Variants in WDR1 observed in about 807,000 individuals in gnomAD.
The protein encoded by WDR1 is WD repeat domain 1, also known as WD repeat-containing protein 1.
WDR1 carries 21 observed loss-of-function variants against 71.9 expected under a neutral mutation model. That is an observed-to-expected ratio of 0.29 (90% CI 0.21 to 0.42). The LOEUF is 0.42. Among genes scored for constraint, WDR1 ranks in the 10% least tolerant of loss-of-function variants. WDR1 has a pLI of 1.00. For synonymous variants in WDR1, 424 were observed against 347.4 expected (o/e 1.22, Z -2.45); for missense variants, 696 against 824.5 (o/e 0.84, Z 1.91).
chr4:10,084,366 C>T, intron 9 of WDR1, 77 bp downstream of exon 9: 3 of 1,402,662 alleles, frequency 2.1e-6, no homozygotes, highest in Non-Finnish European at 2.0e-6. Context: ...GCTGGCCTGG[C>T]CTCTGGCATC....
intron 3 of WDR1, among the ~76,000 whole-genome samples, chr4:10,102,222 C>T (rs1336256720): frequency 3.3e-5 from 5 of 152,206 alleles, no homozygotes; most frequent in Non-Finnish European, 4.4e-5. Flanking sequence ...TCCTTCACAC[C>T]CTAAGAGGCA....
chr4:10,083,030 C>T lies in WDR1; in HGVS notation c.1188G>A (p.Arg396=), dbSNP rs1197228777. 3 of 1,612,128 alleles carry T rather than the reference C, an allele frequency of 1.9e-6. No individual in the cohort carries two copies. Among genetic ancestry groups the T allele is most frequent in the Non-Finnish European group, 2.5e-6 (3 of 1,178,814 alleles). ...GACCCGAGTGCTCTCACCTGTAGTC[C>T]CGCAGCATGAGGCTGGTGTACCGCA... ...DTVRYTSLML[R]DYSGQGVVKL... is the part of the protein sequence containing the mutation. Residue 396 remains arginine, a synonymous_variant, in exon 10 of 15, where the codon CGG becomes CGA. Transcript: ENST00000499869.
At chr4:10,098,876 A>T in intron 4 of WDR1, 116 bp downstream of exon 4, 1 of 1,475,736 alleles carries the variant, frequency 6.8e-7, no homozygotes, top group South Asian at 1.3e-5. Flanking sequence ...CTGGGAGCTC[A>T]ACCCTCACGA....
At position 10,107,043 on chromosome 4, in the gene WDR1, A is replaced by ATTCC. The variant is rs1713063873; in HGVS notation, c.139-3058_139-3057insGGAA. ...GGGGTTGAGAAGCTTATTTGGGGAA[A>ATTCC]AACTCTGGAATGGGGAAAACGAGAC... On this transcript the variant is annotated intron_variant, in intron 2 of 14. Transcript: ENST00000499869. 3.3e-5 allele frequency among the ~76,000 whole-genome samples: 5 copies of ATTCC among 152,230 alleles called. No individual in the cohort carries two copies. The East Asian group carries it at 9.7e-4, about 30-fold the overall frequency.
chr4:10,110,635 C>T (rs1055670467), intron 2 of WDR1, among the ~76,000 whole-genome samples: 21 of 152,196 alleles, frequency 1.4e-4, no homozygotes, highest in African/African-American at 3.4e-4. Context: ...CAGCTGTCCC[C>T]GCTCTGTGGC....
chr4:10,087,839 G>C lies in WDR1; in HGVS notation c.819C>G (p.Pro273=). The change falls in exon 8 of 15, where the codon CCC becomes CCG. Residue 273 remains proline, a synonymous_variant. Transcript: ENST00000499869. ...VSVNSVVSTF[P]MGSTVLDQQL... is the part of the protein sequence containing the mutation. The stretch of plus-strand genomic sequence containing the variant: ...GCTGGTCCAGAACCGTGGAGCCCAT[G>C]GGAAATGTGCTGACCACGGAGTTCA... 1 of 1,578,988 alleles carries C rather than the reference G, an allele frequency of 6.3e-7. No individual in the cohort carries two copies. Among genetic ancestry groups the C allele is most frequent in the Non-Finnish European group, 8.6e-7 (1 of 1,161,690 alleles).
intron 8 of WDR1, among the ~76,000 whole-genome samples, chr4:10,085,537 C>T (rs1012467337): frequency 1.3e-5 from 2 of 152,268 alleles, no homozygotes; most frequent in African/African-American, 4.8e-5. Context: ...ACAGCCCCCA[C>T]CAGCAGGGCT....
chr4:10,084,049 A>G (rs559087362), intron 9 of WDR1, among the ~76,000 whole-genome samples: 31 of 152,206 alleles, frequency 2.0e-4, no homozygotes, highest in Non-Finnish European at 4.0e-4. Flanking sequence ...AAGGGTGTCC[A>G]GGTGCTTGTG....
intron 5 of WDR1, chr4:10,093,283 G>A (rs112123486): frequency 4.2e-6 from 2 of 481,290 alleles, no homozygotes; most frequent in African/African-American, 4.0e-5. Flanking sequence ...ATGCCTATGA[G>A]CTGGTAGAAG....
chr4:10,095,151 G>A (rs1474823589), intron 5 of WDR1, among the ~76,000 whole-genome samples: 1 of 152,258 alleles, frequency 6.6e-6, no homozygotes, highest in Non-Finnish European at 1.5e-5. Flanking sequence ...CAGGAGGCGA[G>A]GGGCGGCAGG....
At chr4:10,107,151 G>A (rs1345566867) in intron 2 of WDR1, among the ~76,000 whole-genome samples, 1 of 152,148 alleles carries the variant, frequency 6.6e-6, no homozygotes, top group Non-Finnish European at 1.5e-5. Context: ...GGGGGCCTGG[G>A]GGAGACCACC....
At chr4:10,101,560 T>A (rs1712685604) in intron 3 of WDR1, among the ~76,000 whole-genome samples, 1 of 152,260 alleles carries the variant, frequency 6.6e-6, no homozygotes. Context: ...CCAAACTCCC[T>A]TGGCTCCTCT....
chr4:10,077,824 C>G lies in WDR1; in HGVS notation c.1498G>C (p.Asp500His). The change falls in exon 13 of 15, where the codon GAC becomes CAC. Residue 500 changes from aspartate to histidine, a missense_variant. Physicochemically the swap from Asp to His is moderately conservative, Grantham distance 81. Coordinates refer to ENST00000499869, the MANE Select transcript of WDR1 (RefSeq NM_017491.5). ...TCGCACACCGCGAGGAAGGCGCCGT[C>G]GTGGGAGTAGGCCACGTCGGTCACG... ...GPVTDVAYSH[D>H]GAFLAVCDAS... 1 of 1,608,240 alleles carries G rather than the reference C, an allele frequency of 6.2e-7. No homozygotes were observed. The highest frequency in any genetic ancestry group is 8.5e-7 in the Non-Finnish European group (1 of 1,177,538).
chr4:10,084,707 G>A (rs1765145223), intron 8 of WDR1, among the ~76,000 whole-genome samples, 177 bp from the exon 9 acceptor site: 1 of 152,120 alleles, frequency 6.6e-6, no homozygotes, highest in Non-Finnish European at 1.5e-5. Context: ...CGGCCCACGA[G>A]CCCTAAGAAA....
intron 14 of WDR1, 165 bp downstream of exon 14, chr4:10,077,139 G>C: frequency 1.0e-6 from 1 of 1,003,930 alleles, no homozygotes; most frequent in Non-Finnish European, 1.4e-6. Flanking sequence ...CAGCGCAGCT[G>C]GTGTTTGCTG....
chr4:10,094,031 G>GTCCC (rs1712173023), intron 5 of WDR1, among the ~76,000 whole-genome samples: 1 of 152,176 alleles, frequency 6.6e-6, no homozygotes, highest in Admixed American at 6.5e-5. Flanking sequence ...GAGGTATGAG[G>GTCCC]TCCCCGCAGG....
At chr4:10,080,841 T>C (rs1421707015) in intron 11 of WDR1, among the ~76,000 whole-genome samples, 2 of 152,238 alleles carry the variant, frequency 1.3e-5, no homozygotes, top group Admixed American at 6.5e-5. Flanking sequence ...CAAGCTGCTC[T>C]AGGCCTCAGC....
chr4:10,075,243 A>C lies in WDR1; in HGVS notation c.*135T>G. 1 of 711,998 alleles carries C rather than the reference A, an allele frequency of 1.4e-6. No homozygotes were observed. Among genetic ancestry groups the C allele is most frequent in the South Asian group, 1.7e-5 (1 of 59,456 alleles). 44.1% of individuals were successfully genotyped at this position (711,998 alleles called of 1,614,324 possible). A position where few individuals can be genotyped will look rare whatever the true frequency, so the allele number is the denominator to read the frequency against. ...CAGACACCCTGCAGAGACGAGGGTC[A>C]TGACTGGGCCCTCCTGCCTCTTGTG... On this transcript the variant is annotated 3_prime_UTR_variant, in exon 15 of 15. Transcript: ENST00000499869.
rs149192460 is a variant in WDR1, at chr4:10,106,032, C to T, written c.139-2046G>A. Among the ~76,000 whole-genome samples the T allele has an allele frequency of 3.8e-3, 540 of 143,980 alleles. 1 individual carries two copies. The highest frequency in any genetic ancestry group is 5.8e-3 in the Non-Finnish European group (387 of 66,310). The allele number at this position is 143,980 out of a possible 152,430, so 94.5% of individuals were successfully genotyped here. ...AAAGACTACACATTGCCTCTCACTT[C>T]ATATGAAAGAAGATTTTAGAAAAGG... is the stretch of plus-strand genomic sequence containing the variant. On this transcript the variant is annotated intron_variant, in intron 2 of 14. Coordinates refer to ENST00000499869, the MANE Select transcript of WDR1 (RefSeq NM_017491.5).
Sources: allele counts gnomAD v4.1 joint callset (sites outside exome capture counted in the v4.1 genomes callset), GRCh38; gene constraint gnomAD v4.1.1; transcripts MANE v1.5; gene names NCBI Gene and HGNC (gene_info 2026-07-23, HGNC 2026-07-21).